Variants in DYM observed in about 807,000 individuals in gnomAD.
DYM encodes dyggve-Melchior-Clausen syndrome protein.
In DYM, 78 loss-of-function variants were observed where a neutral mutation model predicts 93.1. The ratio of observed to expected loss-of-function variants is 0.84; its 90% CI spans 0.70 to 1.01. The LOEUF (loss-of-function observed/expected upper bound fraction) is 1.01. DYM is among the 50% of genes least tolerant of loss of function. The pLI, the probability that DYM is intolerant of heterozygous loss-of-function variation, is 0.00. For missense variants in DYM, 789 were observed against 845.0 expected (o/e 0.93, Z 0.82); for synonymous variants, 321 against 319.7 (o/e 1.00, Z -0.04).
intron 1 of DYM, among the ~76,000 whole-genome samples, chr18:49,451,749 GT>G (rs2082533760): frequency 6.6e-6 from 1 of 152,192 alleles, no homozygotes; most frequent in Non-Finnish European, 1.5e-5. Context: ...ATCATAATTT[GT>G]TTTTACCAAA....
intron 8 of DYM, among the ~76,000 whole-genome samples, chr18:49,327,637 A>T (rs2062996920): frequency 6.6e-6 from 1 of 152,180 alleles, no homozygotes; most frequent in Non-Finnish European, 1.5e-5. Context: ...GATTACGGAC[A>T]TGAGCCACTG....
chr18:49,459,533 A>C (rs2083291805), intron 1 of DYM, among the ~76,000 whole-genome samples: 1 of 151,430 alleles, frequency 6.6e-6, no homozygotes, highest in Non-Finnish European at 1.5e-5. Flanking sequence ...ATTCCTCTCC[A>C]CGGCCTCCAC....
At chr18:49,201,810 T>G (rs958960794) in intron 14 of DYM, among the ~76,000 whole-genome samples, 2 of 152,236 alleles carry the variant, frequency 1.3e-5, no homozygotes, top group African/African-American at 2.4e-5. Context: ...CTTCAGATTC[T>G]CCTGTCAGAA....
Position 49,441,209 on chromosome 18 carries a change from T to G in DYM, c.-53-10762A>C, listed in dbSNP as rs2081506560. ...TATATATAATATATTATATATTATA[T>G]ATATTATATATAATTATATTATATA... On this transcript the variant is annotated intron_variant, in intron 1 of 17. Transcript: ENST00000675505. 9.7e-5 allele frequency among the ~76,000 whole-genome samples: 4 copies of G among 41,416 alleles called. No homozygotes were observed. The South Asian group carries it at 2.7e-3, about 28-fold the overall frequency. 27.2% of individuals were successfully genotyped at this position (41,416 alleles called of 152,430 possible). A position where few individuals can be genotyped will look rare whatever the true frequency, so the allele number is the denominator to read the frequency against.
rs112575942 is a variant in DYM at position 49,368,250 on chromosome 18, T to C, written c.422-5017A>G. Among the ~76,000 whole-genome samples the C allele has an allele frequency of 4.3e-3, 659 of 152,302 alleles. 7 individuals carry two copies. The highest frequency in any genetic ancestry group is 0.014 in the Middle Eastern group (4 of 294). ...CAGGTTTGATTATAAAATGTGCCTA[T>C]AGAAAAGTTTAATTGATTTTGTTCC... On this transcript the variant is annotated intron_variant, in intron 5 of 17. Transcript: ENST00000675505.
intron 13 of DYM, among the ~76,000 whole-genome samples, chr18:49,256,702 C>A (rs528123170): frequency 7.9e-5 from 12 of 152,106 alleles, no homozygotes; most frequent in Non-Finnish European, 1.6e-4. Flanking sequence ...CTATAAAATG[C>A]GCATCAAATA....
chr18:49,290,918 G>C (rs2060069469), intron 8 of DYM, among the ~76,000 whole-genome samples: 1 of 151,648 alleles, frequency 6.6e-6, no homozygotes, highest in Non-Finnish European at 1.5e-5. Context: ...AAGGGAAGGA[G>C]GAAAATTCCT....
At chr18:49,100,996 A>C (rs1454551893) in intron 16 of DYM, among the ~76,000 whole-genome samples, 1 of 152,238 alleles carries the variant, frequency 6.6e-6, no homozygotes, top group African/African-American at 2.4e-5. Flanking sequence ...TCTGACTGCA[A>C]CACCAGCAAA....
At chr18:49,387,554 A>C (rs771912730) in intron 3 of DYM, among the ~76,000 whole-genome samples, 8 of 152,100 alleles carry the variant, frequency 5.3e-5, no homozygotes, top group Non-Finnish European at 8.8e-5. Flanking sequence ...TACAAGAGTG[A>C]GCCACTGTGC....
intron 13 of DYM, among the ~76,000 whole-genome samples, chr18:49,224,177 C>T (rs944138779): frequency 3.3e-4 from 50 of 152,008 alleles, no homozygotes; most frequent in Admixed American, 3.3e-3. Flanking sequence ...TCTCAGGTTT[C>T]TGGCATGCAT....
At chr18:49,207,300 C>G (rs1302595637) in intron 14 of DYM, among the ~76,000 whole-genome samples, 2 of 152,076 alleles carry the variant, frequency 1.3e-5, no homozygotes, top group Non-Finnish European at 2.9e-5. Context: ...TAGTGTTTAC[C>G]CCCAGAAGGC....
chr18:49,176,557 C>T (rs1053959582), intron 14 of DYM, among the ~76,000 whole-genome samples: 4 of 148,526 alleles, frequency 2.7e-5, no homozygotes, highest in Admixed American at 6.8e-5. Context: ...ACAACAGGCA[C>T]GTGTCACCAA....
intron 17 of DYM, among the ~76,000 whole-genome samples, chr18:49,080,681 C>A (rs1300045118): frequency 6.7e-6 from 1 of 148,812 alleles, no homozygotes; most frequent in African/African-American, 2.5e-5. Flanking sequence ...GGCTGCCGGG[C>A]AGAGACGCTC....
At chr18:49,267,335 A>G (rs1415002858) in intron 11 of DYM, among the ~76,000 whole-genome samples, 1 of 152,216 alleles carries the variant, frequency 6.6e-6, no homozygotes, top group African/African-American at 2.4e-5. Context: ...ATATGAAAAT[A>G]CATTTAAAAA....
intron 14 of DYM, among the ~76,000 whole-genome samples, chr18:49,184,651 G>A (rs948881901): frequency 1.3e-5 from 2 of 152,100 alleles, no homozygotes; most frequent in Non-Finnish European, 2.9e-5. Context: ...TGGGCAGGTC[G>A]CATATACAAC....
chr18:49,040,018 A>T lies in DYM; in HGVS notation c.*4037T>A, dbSNP rs112422388. The T allele has an allele frequency of 6.6e-6, 1 of 152,180 alleles. No individual in the cohort carries two copies. Among genetic ancestry groups the T allele is most frequent in the Non-Finnish European group, 1.5e-5 (1 of 68,036 alleles). The allele number at this position is 152,180 out of a possible 1,614,324, so 9.4% of individuals were successfully genotyped here. Reference sequence around the variant, plus strand: ...TCCACAGAATTTGCCATTTGCTTCAATTGGGCACCTGAAGGCATCAGTAAT... The same window carrying T: ...TCCACAGAATTTGCCATTTGCTTCATTTGGGCACCTGAAGGCATCAGTAAT... On this transcript the variant is annotated 3_prime_UTR_variant, in exon 18 of 18. Transcript: ENST00000675505.
At position 49,420,605 on chromosome 18, in the gene DYM, C is replaced by T. The variant is rs952887838; in HGVS notation, c.140+9650G>A. Among the ~76,000 whole-genome samples the T allele has an allele frequency of 7.9e-5, 12 of 152,232 alleles. No individual in the cohort carries two copies. The East Asian group carries it at 9.7e-4, about 12-fold the overall frequency. ...CTCCCAGCATGAGCAACACAGAAGA[C>T]GGGTGATTTCTGCATTTCCAACTGA... On this transcript the variant is annotated intron_variant, in intron 2 of 17. Transcript: ENST00000675505.
chr18:49,362,031 T>C (rs2147341608), intron 6 of DYM, among the ~76,000 whole-genome samples: 1 of 151,456 alleles, frequency 6.6e-6, no homozygotes, highest in South Asian at 2.1e-4. Context: ...GCCTAATTTT[T>C]TTTTTTTTTT....
In DYM at chr18:49,131,015, C is replaced by T. The variant is rs528674378; in HGVS notation, c.1729-12089G>A. ...GTGAGAAAAATGAGAGAACTACTTA[C>T]TTTAGAGGATGTGAGGATTAAATAA... On this transcript the variant is annotated intron_variant, in intron 15 of 17. Coordinates refer to ENST00000675505, the MANE Select transcript of DYM (RefSeq NM_001353214.3). Among the ~76,000 whole-genome samples, 3 of 152,306 alleles carry T rather than the reference C, an allele frequency of 2.0e-5. No individual in the cohort carries two copies. The East Asian group carries it at 5.8e-4, about 29-fold the overall frequency.
Sources: gnomAD v4.1 joint callset for allele counts (sites outside exome capture counted in the v4.1 genomes callset) on GRCh38, gnomAD v4.1.1 for gene constraint, MANE v1.5 for transcripts, NCBI Gene and HGNC (gene_info 2026-07-23, HGNC 2026-07-21) for gene names.